MMAA: variants seen among roughly 807,000 people sequenced by gnomAD.
The protein encoded by MMAA is methylmalonic aciduria type A protein, mitochondrial.
Under a neutral mutation model 45.0 loss-of-function variants are expected in MMAA, and 41 were observed. The ratio of observed to expected loss-of-function variants is 0.91; its 90% confidence interval spans 0.71 to 1.18. The LOEUF (loss-of-function observed/expected upper bound fraction) is 1.18. Among genes scored for constraint, MMAA ranks in the 50% most tolerant of loss-of-function variants. The pLI, the probability that MMAA is intolerant of heterozygous loss-of-function variation, is 0.00. For synonymous variants in MMAA, 154 were observed against 178.2 expected (o/e 0.86, Z 1.08); for missense variants, 460 against 495.7 (o/e 0.93, Z 0.68).
chr4:145,636,813 G>C (rs1727623040), intron 1 of MMAA, among the ~76,000 whole-genome samples: 1 of 152,214 alleles, frequency 6.6e-6, no homozygotes, highest in South Asian at 2.1e-4. Flanking sequence ...AGCTCTTGAA[G>C]TGCTAGGATT....
At chr4:145,625,342 C>A in intron 1 of MMAA, 1 of 707,196 alleles carries the variant, frequency 1.4e-6, no homozygotes, top group South Asian at 1.4e-5. Flanking sequence ...TCTCCAAGGT[C>A]TGCTTTTTGG....
intron 1 of MMAA, among the ~76,000 whole-genome samples, chr4:145,634,677 C>A (rs1237062303): frequency 6.6e-6 from 1 of 151,878 alleles, no homozygotes; most frequent in Admixed American, 6.6e-5. Flanking sequence ...CTGAGTCTTA[C>A]CTGAAGCTAG....
At chr4:145,625,785 G>A (rs1256487289) in intron 1 of MMAA, 2 of 1,196,930 alleles carry the variant, frequency 1.7e-6, no homozygotes, top group Non-Finnish European at 2.5e-6. Flanking sequence ...CTGTTGAATT[G>A]TCTCCTCTTT....
chr4:145,654,114 C>A lies in MMAA; in HGVS notation c.940C>A (p.Arg314Ser). 1 of 1,614,120 alleles carries A rather than the reference C, an allele frequency of 6.2e-7. No individual in the cohort carries two copies. Among genetic ancestry groups the A allele is most frequent in the Non-Finnish European group, 8.5e-7 (1 of 1,179,998 alleles). The change falls in exon 6 of 7, where the codon CGC becomes AGC. Residue 314 changes from arginine (R) to serine (S), a missense_variant. Physicochemically the swap from Arg to Ser is moderately radical, Grantham distance 110. Transcript: ENST00000649156. ...AEYVSALKLL[R>S]KRSQVWKPKV... ...ATATGTGAGTGCACTGAAATTACTC[C>A]GCAAACGTTCACAAGTCTGGAAACC...
intron 4 of MMAA, among the ~76,000 whole-genome samples, chr4:145,649,732 C>T (rs1728037377): frequency 6.6e-6 from 1 of 152,006 alleles, no homozygotes; most frequent in African/African-American, 2.4e-5. Flanking sequence ...ACTAGAAGTC[C>T]ATCACACCGA....
intron 3 of MMAA, among the ~76,000 whole-genome samples, chr4:145,644,780 G>C (rs1355433361): frequency 1.3e-5 from 2 of 152,176 alleles, no homozygotes; most frequent in Non-Finnish European, 2.9e-5. Flanking sequence ...TCTCAAGTTT[G>C]GCGGTAGTGA....
intron 1 of MMAA, chr4:145,625,715 C>G: frequency 6.8e-7 from 1 of 1,474,134 alleles, no homozygotes; most frequent in Non-Finnish European, 9.5e-7. Context: ...TTTGGGTACA[C>G]TCCAGTTGAT....
intron 1 of MMAA, among the ~76,000 whole-genome samples, chr4:145,632,927 T>A (rs1202746268): frequency 6.6e-6 from 1 of 151,842 alleles, no homozygotes; most frequent in Admixed American, 6.6e-5. Context: ...ATTTTTTTGT[T>A]TTTTGTAGAA....
chr4:145,619,428 C>A (rs1299416643), intron 1 of MMAA, 21 bp downstream of exon 1: 3 of 152,266 alleles, frequency 2.0e-5, no homozygotes, highest in Non-Finnish European at 2.9e-5. Flanking sequence ...GGAGTGCGCG[C>A]GGCGTCCAGG....
At chr4:145,643,551 CCCCATTCCTATTATCAT>C (rs1446465439) in intron 3 of MMAA, among the ~76,000 whole-genome samples, 1 of 152,136 alleles carries the variant, frequency 6.6e-6, no homozygotes, top group African/African-American at 2.4e-5. Flanking sequence ...CCTATTATCA[CCCCATTCCTATTATCAT>C]CCCATTGAGA....
At chr4:145,648,534 G>A (rs1392470187) in intron 4 of MMAA, among the ~76,000 whole-genome samples, 1 of 152,196 alleles carries the variant, frequency 6.6e-6, no homozygotes, top group African/African-American at 2.4e-5. Flanking sequence ...CCATTAAAAA[G>A]TAGATGAATG....
chr4:145,645,404 G>A (rs894851954), intron 3 of MMAA, among the ~76,000 whole-genome samples: 16 of 152,062 alleles, frequency 1.1e-4, no homozygotes, highest in African/African-American at 3.6e-4. Flanking sequence ...TGTTATTAAC[G>A]GTTTTTGAAG....
rs1289633389 is a variant in MMAA, at chr4:145,657,559, T to C, written c.*2125T>C. On this transcript the variant is annotated 3_prime_UTR_variant, in exon 7 of 7. Transcript: ENST00000649156. ...TTTTCTCTATGTGCAGTAGTTTCTTTATCTGTAAAATTAAGATAATAGCTA... is the reference window on the plus strand; with the variant it reads ...TTTTCTCTATGTGCAGTAGTTTCTTCATCTGTAAAATTAAGATAATAGCTA... The C allele has an allele frequency of 1.3e-5, 2 of 152,188 alleles. No individual in the cohort carries two copies. Among genetic ancestry groups the C allele is most frequent in the Non-Finnish European group, 1.5e-5 (1 of 68,038 alleles). The allele number at this position is 152,188 out of a possible 1,614,324, so 9.4% of individuals were successfully genotyped here.
chr4:145,636,603 T>A (rs989205499), intron 1 of MMAA, among the ~76,000 whole-genome samples: 4 of 152,188 alleles, frequency 2.6e-5, no homozygotes, highest in African/African-American at 9.6e-5. Flanking sequence ...AGAGACCAAG[T>A]CCCAACTCTG....
rs909940868 is a variant in MMAA at position 145,625,634 on chromosome 4, A to C, written c.-66+6227A>C. The C allele has an allele frequency of 3.2e-6, 3 of 923,132 alleles. No individual in the cohort carries two copies. The African/African-American group carries it at 4.9e-5, about 15-fold the overall frequency. 57.2% of individuals were successfully genotyped at this position (923,132 alleles called of 1,614,324 possible). The stretch of plus-strand genomic sequence containing the variant: ...CAGCTTCAAAGAGTAGGACATTTGA[A>C]TCTTCATACTTAAGGGTCAAACTGC... On this transcript the variant is annotated intron_variant, in intron 1 of 6. Coordinates refer to ENST00000649156, the MANE Select transcript of MMAA (RefSeq NM_172250.3).
chr4:145,642,362 G>A lies in MMAA; in HGVS notation c.440-1G>A. On this transcript the variant is annotated splice_acceptor_variant, in intron 2 of 6. Transcript: ENST00000649156. LOFTEE classifies it high-confidence loss of function. Reference sequence around the variant, plus strand: ...AATTAGAAGATCTCTTTCCACCGTAGGATTGTCTGGGCCCCCTGGTGCTGG... The same window carrying A: ...AATTAGAAGATCTCTTTCCACCGTAAGATTGTCTGGGCCCCCTGGTGCTGG... 2.5e-6 allele frequency: 4 copies of A among 1,613,908 alleles called. No homozygotes were observed. Among genetic ancestry groups the A allele is most frequent in the Non-Finnish European group, 3.4e-6 (4 of 1,179,982 alleles).
rs183777382 is a variant in MMAA, at chr4:145,634,679, T to G, written c.-65-4396T>G. Among the ~76,000 whole-genome samples the G allele has an allele frequency of 1.6e-3, 249 of 152,122 alleles. 1 individual carries two copies. Among genetic ancestry groups the G allele is most frequent in the Non-Finnish European group, 2.7e-3 (185 of 67,998 alleles). ...AGCTGGGAATGCGCTGAGTCTTACC[T>G]GAAGCTAGCAAGTTTGAGAGTCTCA... On this transcript the variant is annotated intron_variant, in intron 1 of 6. Coordinates refer to ENST00000649156, the MANE Select transcript of MMAA (RefSeq NM_172250.3).
chr4:145,628,841 G>A (rs923445703), intron 1 of MMAA, among the ~76,000 whole-genome samples: 3 of 152,132 alleles, frequency 2.0e-5, no homozygotes, highest in African/African-American at 7.2e-5. Context: ...CCACTCCTCT[G>A]TAGATGAAGT....
intron 5 of MMAA, among the ~76,000 whole-genome samples, chr4:145,652,252 A>G (rs1376455977): frequency 6.6e-6 from 1 of 152,130 alleles, no homozygotes; most frequent in Non-Finnish European, 1.5e-5. Flanking sequence ...TTAGTGTCCC[A>G]AGTTTTTCTT....
Sources: allele counts gnomAD v4.1 joint callset (sites outside exome capture counted in the v4.1 genomes callset), GRCh38; gene constraint gnomAD v4.1.1; transcripts MANE v1.5; gene names NCBI Gene and HGNC (gene_info 2026-07-23, HGNC 2026-07-21).